Variants in LIMD1 observed in about 807,000 individuals in gnomAD.
The protein encoded by LIMD1 is LIM domain containing 1.
In LIMD1, 23 loss-of-function variants were observed where a neutral mutation model predicts 58.4. The observed-to-expected ratio is 0.39, with a 90% confidence interval of 0.28 to 0.56. The LOEUF is 0.56. Ranked by LOEUF, LIMD1 falls within the 20% of genes least tolerant of loss-of-function variation. LIMD1 has a pLI of 0.57. For missense variants in LIMD1, 838 were observed against 855.5 expected, an observed-to-expected ratio of 0.98 and a Z score of 0.25; for synonymous variants, 334 against 345.5, an observed-to-expected ratio of 0.97 and a Z score of 0.37.
At position 45,685,716 on chromosome 3, in the gene LIMD1, A is replaced by G. The variant is rs1409599013; in HGVS notation, c.*8657A>G. 6.6e-5 allele frequency: 10 copies of G among 152,230 alleles called. No individual in the cohort carries two copies. The highest frequency in any genetic ancestry group is 1.9e-4 in the African/African-American group (8 of 41,462). 9.4% of individuals were successfully genotyped at this position (152,230 alleles called of 1,614,324 possible). On this transcript the variant is annotated 3_prime_UTR_variant, in exon 8 of 8. Coordinates refer to ENST00000273317, the MANE Select transcript of LIMD1 (RefSeq NM_014240.3). ...CTTGGAGTCAAGAGCCCAGACTCAC[A>G]TTCTATCTCAGGCTTCATAACTCAA...
chr3:45,609,478 G>A (rs914780657), intron 1 of LIMD1, among the ~76,000 whole-genome samples: 1 of 152,120 alleles, frequency 6.6e-6, no homozygotes, highest in Non-Finnish European at 1.5e-5. Flanking sequence ...CAGGTAGCTG[G>A]GATACAGGCA....
chr3:45,671,311 A>G (rs912159326), intron 4 of LIMD1, among the ~76,000 whole-genome samples: 1 of 152,204 alleles, frequency 6.6e-6, no homozygotes, highest in African/African-American at 2.4e-5. Context: ...TGAGGCTTCC[A>G]GGGGAAGGAG....
rs946007550 is a variant in LIMD1 at position 45,683,730 on chromosome 3, C to T, written c.*6671C>T. On this transcript the variant is annotated 3_prime_UTR_variant, in exon 8 of 8. Coordinates refer to ENST00000273317, the MANE Select transcript of LIMD1 (RefSeq NM_014240.3). ...TTTAAATCCCAGAAAATTCTGTAAC[C>T]GGGTTCTTGAGCTGCTTGGGCTGCT... 6.6e-6 allele frequency: 1 copy of T among 152,212 alleles called. No homozygotes were observed. Among genetic ancestry groups the T allele is most frequent in the African/African-American group, 2.4e-5 (1 of 41,454 alleles). 9.4% of individuals were successfully genotyped at this position (152,212 alleles called of 1,614,324 possible).
intron 1 of LIMD1, among the ~76,000 whole-genome samples, chr3:45,618,494 G>A (rs988014134): frequency 2.6e-5 from 4 of 152,156 alleles, no homozygotes; most frequent in Non-Finnish European, 5.9e-5. Flanking sequence ...GAACTCAGGA[G>A]GTTTTGTGAA....
At chr3:45,616,980 G>A (rs148423689) in intron 1 of LIMD1, among the ~76,000 whole-genome samples, 2,297 of 147,676 alleles carry the variant, frequency 0.016, 50 homozygotes, top group African/African-American at 0.055. Flanking sequence ...TGATCCACCC[G>A]CCTTGGCCTC....
At chr3:45,658,471 A>C (rs533929145) in intron 2 of LIMD1, among the ~76,000 whole-genome samples, 1 of 149,526 alleles carries the variant, frequency 6.7e-6, no homozygotes, top group East Asian at 2.0e-4. Flanking sequence ...TCTTTGGGAA[A>C]GTGTAGGAAA....
chr3:45,667,259 A>C (rs1697532549), intron 3 of LIMD1, among the ~76,000 whole-genome samples: 1 of 152,188 alleles, frequency 6.6e-6, no homozygotes, highest in African/African-American at 2.4e-5. Flanking sequence ...GTGCTGGAGG[A>C]ATGCAAGGCT....
intron 2 of LIMD1, among the ~76,000 whole-genome samples, chr3:45,659,128 T>C (rs1697392269): frequency 6.6e-6 from 1 of 152,220 alleles, no homozygotes; most frequent in Non-Finnish European, 1.5e-5. Flanking sequence ...TACCTAATAC[T>C]AGAAAGAAAA....
chr3:45,633,288 C>A (rs1375844517), intron 1 of LIMD1, among the ~76,000 whole-genome samples: 1 of 152,106 alleles, frequency 6.6e-6, no homozygotes, highest in African/African-American at 2.4e-5. Flanking sequence ...CAGGCAGGAA[C>A]TTTTTGGGGG....
intron 4 of LIMD1, among the ~76,000 whole-genome samples, chr3:45,669,791 A>G (rs1015747865): frequency 6.6e-6 from 1 of 152,226 alleles, no homozygotes; most frequent in Non-Finnish European, 1.5e-5. Context: ...GTATGGATAT[A>G]GCACAATTTA....
At chr3:45,647,751 C>T (rs1204666519) in intron 2 of LIMD1, among the ~76,000 whole-genome samples, 1 of 152,214 alleles carries the variant, frequency 6.6e-6, no homozygotes. Flanking sequence ...GTTCTTTTGC[C>T]TGGTGTTTAA....
At chr3:45,604,785 G>A (rs1250012454) in intron 1 of LIMD1, among the ~76,000 whole-genome samples, 1 of 152,122 alleles carries the variant, frequency 6.6e-6, no homozygotes, top group Non-Finnish European at 1.5e-5. Flanking sequence ...GATTCCCACA[G>A]CGTCTGCCTG....
At chr3:45,618,512 G>A (rs1217345483) in intron 1 of LIMD1, among the ~76,000 whole-genome samples, 1 of 152,138 alleles carries the variant, frequency 6.6e-6, no homozygotes, top group Admixed American at 6.5e-5. Context: ...GAAGTGCAGT[G>A]TGTGGAATGT....
chr3:45,625,548 A>G (rs1701661771), intron 1 of LIMD1, among the ~76,000 whole-genome samples: 1 of 152,062 alleles, frequency 6.6e-6, no homozygotes, highest in Non-Finnish European at 1.5e-5. Context: ...TGGGGTTTGA[A>G]TATGCCCCCC....
chr3:45,673,832 G>A (rs377244847), intron 6 of LIMD1: 6 of 353,566 alleles, frequency 1.7e-5, no homozygotes, highest in East Asian at 1.7e-4. Flanking sequence ...TGAGGCTGCA[G>A]CGAGCTATGA....
intron 2 of LIMD1, among the ~76,000 whole-genome samples, chr3:45,657,595 G>T (rs1697355184): frequency 6.6e-6 from 1 of 151,744 alleles, no homozygotes; most frequent in African/African-American, 2.4e-5. Context: ...AGAGAAACTG[G>T]ATTCTGCATA....
intron 4 of LIMD1, among the ~76,000 whole-genome samples, chr3:45,669,372 A>T (rs2125669773): frequency 6.6e-6 from 1 of 152,352 alleles, no homozygotes; most frequent in East Asian, 1.9e-4. Flanking sequence ...CTGACTCATT[A>T]ATTTCATTCT....
chr3:45,668,419 A>G, intron 4 of LIMD1, 63 bp downstream of exon 4: 1 of 1,293,168 alleles, frequency 7.7e-7, no homozygotes, highest in Non-Finnish European at 1.1e-6. Context: ...TTCAGAGAAA[A>G]AAGAAATTAA....
At chr3:45,606,785 A>G (rs939414532) in intron 1 of LIMD1, among the ~76,000 whole-genome samples, 9 of 151,992 alleles carry the variant, frequency 5.9e-5, no homozygotes, top group Non-Finnish European at 8.8e-5. Context: ...CTTGAACCAA[A>G]TTTTGTTTTG....
Sources: gnomAD v4.1 joint callset for allele counts (sites outside exome capture counted in the v4.1 genomes callset) on GRCh38, gnomAD v4.1.1 for gene constraint, MANE v1.5 for transcripts, NCBI Gene and HGNC (gene_info 2026-07-23, HGNC 2026-07-21) for gene names.